The following ITIH5 variants were observed in gnomAD, a reference collection of about 807,000 sequenced individuals.
ITIH5 encodes inter-alpha-trypsin inhibitor heavy chain 5.
ITIH5 carries 65 observed loss-of-function variants against 77.5 expected under a neutral mutation model. That is an observed-to-expected ratio of 0.84 (90% CI 0.69 to 1.03). The LOEUF (loss-of-function observed/expected upper bound fraction) is 1.03. Ranked by LOEUF, ITIH5 falls within the 50% of genes least tolerant of loss-of-function variation. The pLI is 0.00. For missense variants in ITIH5, 1,208 were observed against 1,213.1 expected (o/e 1.00, Z 0.06); for synonymous variants, 525 against 494.3 (o/e 1.06, Z -0.82).
At chr10:7,598,295 T>C (rs569401832) in intron 7 of ITIH5, among the ~76,000 whole-genome samples, 57 of 152,342 alleles carry the variant, frequency 3.7e-4, no homozygotes, top group African/African-American at 1.2e-3. Context: ...GAAATCTTGT[T>C]GCAAGAAACT....
chr10:7,567,166 T>G (rs1227217435), intron 12 of ITIH5, among the ~76,000 whole-genome samples: 1 of 151,972 alleles, frequency 6.6e-6, no homozygotes. Flanking sequence ...ATATCGTAGA[T>G]GGAGGCATGA....
chr10:7,654,745 T>C (rs1306837549), intron 2 of ITIH5, among the ~76,000 whole-genome samples: 1 of 152,258 alleles, frequency 6.6e-6, no homozygotes, highest in Non-Finnish European at 1.5e-5. Context: ...CTAGTATCCA[T>C]GAAATGGTAA....
At chr10:7,622,745 T>C (rs1833494409) in intron 5 of ITIH5, among the ~76,000 whole-genome samples, 2 of 152,232 alleles carry the variant, frequency 1.3e-5, no homozygotes, top group Admixed American at 6.5e-5. Flanking sequence ...CAAAATATAA[T>C]GAAGTCAGTA....
At position 7,561,453 on chromosome 10, in the gene ITIH5, G is replaced by A. The variant is rs1832038343; in HGVS notation, c.*1630C>T. 1 of 152,284 alleles carries A rather than the reference G, an allele frequency of 6.6e-6. No homozygotes were observed. The highest frequency in any genetic ancestry group is 6.5e-5 in the Admixed American group (1 of 15,288). 9.4% of individuals were successfully genotyped at this position (152,284 alleles called of 1,614,324 possible). On this transcript the variant is annotated 3_prime_UTR_variant, in exon 14 of 14. Coordinates refer to ENST00000397146, the MANE Select transcript of ITIH5 (RefSeq NM_030569.7). ...TTTCTCTGAGCTCTACAGTCTGAAA[G>A]CATCTGTCAGCAGCACTGGCTGGCA... is the stretch of plus-strand genomic sequence containing the variant.
chr10:7,590,294 C>T (rs1832767921), intron 7 of ITIH5, among the ~76,000 whole-genome samples: 1 of 152,222 alleles, frequency 6.6e-6, no homozygotes, highest in African/African-American at 2.4e-5. Flanking sequence ...ATTCCAACTC[C>T]TCTCCCTAAA....
intron 7 of ITIH5, among the ~76,000 whole-genome samples, chr10:7,614,095 T>C (rs1180561615): frequency 6.6e-6 from 1 of 152,156 alleles, no homozygotes; most frequent in Non-Finnish European, 1.5e-5. Flanking sequence ...GTAAAAACTA[T>C]CCTTAAAGGA....
chr10:7,639,384 G>A (rs1174603688), intron 4 of ITIH5, among the ~76,000 whole-genome samples: 1 of 152,174 alleles, frequency 6.6e-6, no homozygotes, highest in East Asian at 1.9e-4. Flanking sequence ...AGATAAACGT[G>A]GAATTTTGTG....
intron 5 of ITIH5, among the ~76,000 whole-genome samples, chr10:7,628,256 A>T (rs1833619107): frequency 6.6e-6 from 1 of 152,230 alleles, no homozygotes; most frequent in South Asian, 2.1e-4. Context: ...GAAACTCTGT[A>T]ACCATCCAGC....
chr10:7,590,081 C>G (rs988668707), intron 7 of ITIH5, among the ~76,000 whole-genome samples: 1 of 152,172 alleles, frequency 6.6e-6, no homozygotes, highest in Non-Finnish European at 1.5e-5. Context: ...TCGTTCCATC[C>G]AGACCGACCT....
chr10:7,594,549 T>C (rs1832857022), intron 7 of ITIH5, among the ~76,000 whole-genome samples: 1 of 152,102 alleles, frequency 6.6e-6, no homozygotes, highest in Non-Finnish European at 1.5e-5. Context: ...GCATATAAAA[T>C]GTATGATCAT....
At chr10:7,590,059 G>A (rs1832761751) in intron 7 of ITIH5, among the ~76,000 whole-genome samples, 1 of 151,768 alleles carries the variant, frequency 6.6e-6, no homozygotes, top group South Asian at 2.1e-4. Context: ...ACTTATCTCT[G>A]GAGCTGGCCT....
chr10:7,653,890 C>T (rs907964629), intron 2 of ITIH5, among the ~76,000 whole-genome samples: 3 of 152,190 alleles, frequency 2.0e-5, no homozygotes, highest in African/African-American at 4.8e-5. Flanking sequence ...TGCAGTGGCT[C>T]ACGCCTGTAA....
chr10:7,606,002 A>AC (rs1833118586), intron 7 of ITIH5, among the ~76,000 whole-genome samples: 1 of 152,138 alleles, frequency 6.6e-6, no homozygotes, highest in Non-Finnish European at 1.5e-5. Flanking sequence ...ATGCCGGAGC[A>AC]CCCCAAACTC....
intron 7 of ITIH5, among the ~76,000 whole-genome samples, chr10:7,586,703 C>A (rs1393096843): frequency 6.6e-6 from 1 of 152,044 alleles, no homozygotes; most frequent in Admixed American, 6.5e-5. Context: ...AAATTAAATG[C>A]CCAAATAATA....
chr10:7,629,693 A>G (rs1191913773), intron 5 of ITIH5, among the ~76,000 whole-genome samples: 1 of 152,250 alleles, frequency 6.6e-6, no homozygotes, highest in African/African-American at 2.4e-5. Flanking sequence ...TTGTACGCAT[A>G]TACCACATTT....
intron 7 of ITIH5, among the ~76,000 whole-genome samples, chr10:7,605,958 G>A (rs1270041790): frequency 2.6e-5 from 4 of 152,166 alleles, no homozygotes; most frequent in African/African-American, 4.8e-5. Flanking sequence ...CACACTTTCC[G>A]ATGCTCACAG....
At chr10:7,615,013 C>T (rs1833335705) in intron 7 of ITIH5, among the ~76,000 whole-genome samples, 1 of 152,054 alleles carries the variant, frequency 6.6e-6, no homozygotes, top group South Asian at 2.1e-4. Context: ...TTTGGGAGGC[C>T]GAGACAGGTG....
chr10:7,624,895 A>ACACG, intron 5 of ITIH5, among the ~76,000 whole-genome samples: 6 of 35,876 alleles, frequency 1.7e-4, no homozygotes, highest in African/African-American at 9.4e-4. Context: ...ATGTGTATAT[A>ACACG]TATACATACA....
intron 12 of ITIH5, among the ~76,000 whole-genome samples, chr10:7,566,856 A>G (rs75099578): frequency 3.6e-4 from 13 of 36,338 alleles, no homozygotes; most frequent in Non-Finnish European, 4.4e-4. Context: ...AAGAAGAAGA[A>G]GAAGAAGAAG....
Sources: allele counts gnomAD v4.1 joint callset (sites outside exome capture counted in the v4.1 genomes callset), GRCh38; gene constraint gnomAD v4.1.1; transcripts MANE v1.5; gene names NCBI Gene and HGNC (gene_info 2026-07-23, HGNC 2026-07-21).